Variants in CNTN5 observed in about 807,000 individuals in gnomAD.
CNTN5 encodes the protein contactin-5.
In CNTN5, 77 loss-of-function variants were observed where a neutral mutation model predicts 129.1. The observed-to-expected ratio is 0.60, with a 90% CI of 0.50 to 0.72. The LOEUF (loss-of-function observed/expected upper bound fraction) is 0.72, where lower values mean the gene tolerates loss of function less well. CNTN5 is among the 30% of genes least tolerant of loss of function. CNTN5 has a pLI of 0.00. For synonymous variants in CNTN5, 509 were observed against 465.6 expected, an observed-to-expected ratio of 1.09 and a Z score of -1.20; for missense variants, 1,478 against 1,328.8, an observed-to-expected ratio of 1.11 and a Z score of -1.75.
chr11:99,196,964 A>G (rs1385153324), intron 1 of CNTN5, among the ~76,000 whole-genome samples: 1 of 151,924 alleles, frequency 6.6e-6, no homozygotes, highest in Non-Finnish European at 1.5e-5. Flanking sequence ...AACACAGTAA[A>G]TACACAAACC....
intron 15 of CNTN5, among the ~76,000 whole-genome samples, chr11:100,212,641 G>C (rs1393344812): frequency 6.6e-6 from 1 of 152,114 alleles, no homozygotes; most frequent in Non-Finnish European, 1.5e-5. Context: ...GGGAAGTCAT[G>C]TCCCTTGTCT....
At chr11:99,536,482 A>G (rs1947902840) in intron 2 of CNTN5, among the ~76,000 whole-genome samples, 1 of 152,160 alleles carries the variant, frequency 6.6e-6, no homozygotes, top group African/African-American at 2.4e-5. Context: ...TTGAACTTAC[A>G]GAGTAGCATG....
intron 1 of CNTN5, among the ~76,000 whole-genome samples, chr11:99,073,808 C>T (rs1214057846): frequency 1.3e-5 from 2 of 151,912 alleles, no homozygotes; most frequent in African/African-American, 4.8e-5. Context: ...CAAGTCTTTG[C>T]TATTGTAAAT....
intron 13 of CNTN5, among the ~76,000 whole-genome samples, chr11:100,109,262 C>T (rs1945563844): frequency 6.6e-6 from 1 of 152,114 alleles, no homozygotes; most frequent in Admixed American, 6.5e-5. Flanking sequence ...CCTGTCTCTA[C>T]TAAGAATACA....
chr11:99,375,646 C>T (rs4754611), intron 2 of CNTN5, among the ~76,000 whole-genome samples: 132,394 of 152,142 alleles, frequency 0.87, 57,760 homozygotes, highest in African/African-American at 0.94. Context: ...ATAAGAGTGA[C>T]TTCCCATGTA....
chr11:100,159,028 T>G (rs1430136595), intron 13 of CNTN5, among the ~76,000 whole-genome samples: 1 of 151,878 alleles, frequency 6.6e-6, no homozygotes, highest in Admixed American at 6.6e-5. Context: ...TATAGGTGAA[T>G]CACATAAACA....
chr11:99,517,642 C>T (rs568537896), intron 2 of CNTN5, among the ~76,000 whole-genome samples: 5 of 152,132 alleles, frequency 3.3e-5, no homozygotes, highest in East Asian at 3.9e-4. Flanking sequence ...GAGCTCACCA[C>T]GCCCCACCTC....
intron 4 of CNTN5, among the ~76,000 whole-genome samples, chr11:99,835,970 C>A (rs1372378489): frequency 6.6e-6 from 1 of 151,842 alleles, no homozygotes; most frequent in African/African-American, 2.4e-5. Context: ...GAATTTAGGG[C>A]AAGTCCGTAA....
intron 3 of CNTN5, among the ~76,000 whole-genome samples, chr11:99,759,647 G>A (rs10750395): frequency 0.4 from 59,702 of 150,360 alleles, 12,267 homozygotes; most frequent in East Asian, 0.65. Flanking sequence ...CGAATGCTAG[G>A]GAGGGTGTTT....
intron 6 of CNTN5, 149 bp downstream of exon 6, chr11:99,845,411 C>A (rs536508467): frequency 2.6e-6 from 1 of 385,668 alleles, no homozygotes; most frequent in African/African-American, 2.9e-5. Context: ...CTCGCTCTGT[C>A]GCCCAGGCTG....
chr11:99,684,733 C>T (rs990578777), intron 3 of CNTN5, among the ~76,000 whole-genome samples: 12 of 151,708 alleles, frequency 7.9e-5, no homozygotes, highest in South Asian at 2.1e-4. Context: ...AAATAATTTT[C>T]GTATGTCTTG....
chr11:99,788,236 A>G (rs1278178135), intron 3 of CNTN5, among the ~76,000 whole-genome samples: 1 of 151,870 alleles, frequency 6.6e-6, no homozygotes, highest in Non-Finnish European at 1.5e-5. Flanking sequence ...GAATTCCTCC[A>G]TTAATGAATA....
chr11:100,263,127 G>A (rs1163022539), intron 17 of CNTN5, among the ~76,000 whole-genome samples: 1 of 152,026 alleles, frequency 6.6e-6, no homozygotes, highest in Non-Finnish European at 1.5e-5. Flanking sequence ...ACACTTACTG[G>A]ATAGTTACTA....
At chr11:99,524,141 T>G (rs1166530041) in intron 2 of CNTN5, among the ~76,000 whole-genome samples, 1 of 152,168 alleles carries the variant, frequency 6.6e-6, no homozygotes, top group Non-Finnish European at 1.5e-5. Flanking sequence ...AATTTATGGC[T>G]CAACATGCCA....
rs1485420717 is a variant in CNTN5 at position 99,553,867 on chromosome 11, A to G, written c.-70-2278A>G. Among the ~76,000 whole-genome samples, 4 of 151,978 alleles carry G rather than the reference A, an allele frequency of 2.6e-5. No individual in the cohort carries two copies. In the East Asian group the frequency reaches 7.7e-4, roughly 29 times the overall value. Reference sequence around the variant, plus strand: ...AAAATATAATGTAATTATGTATCTTAAAAAGAATGACTTTTTAAGAAATAT... The same window carrying G: ...AAAATATAATGTAATTATGTATCTTGAAAAGAATGACTTTTTAAGAAATAT... On this transcript the variant is annotated intron_variant, in intron 2 of 24. Coordinates refer to ENST00000524871, the MANE Select transcript of CNTN5 (RefSeq NM_014361.4).
chr11:99,851,320 G>A (rs1318020409), intron 6 of CNTN5, among the ~76,000 whole-genome samples: 1 of 152,124 alleles, frequency 6.6e-6, no homozygotes, highest in Non-Finnish European at 1.5e-5. Context: ...AAGCTGGAGT[G>A]ATTTCCTAGG....
intron 3 of CNTN5, among the ~76,000 whole-genome samples, chr11:99,722,915 T>G (rs1265402058): frequency 6.6e-6 from 1 of 151,986 alleles, no homozygotes; most frequent in Admixed American, 6.6e-5. Flanking sequence ...ATCCTTGCAC[T>G]CTCATTTCCT....
intron 1 of CNTN5, among the ~76,000 whole-genome samples, chr11:99,066,585 A>C (rs1011988333): frequency 1.3e-5 from 2 of 151,850 alleles, no homozygotes; most frequent in Admixed American, 1.3e-4. Flanking sequence ...AGTAGATAAA[A>C]TCAATACCCA....
At chr11:100,183,754 A>T (rs1420462577) in intron 13 of CNTN5, among the ~76,000 whole-genome samples, 1 of 152,152 alleles carries the variant, frequency 6.6e-6, no homozygotes, top group Non-Finnish European at 1.5e-5. Context: ...TACACTTTAA[A>T]CATGTGCGAT....
Sources: gnomAD v4.1 joint callset for allele counts (sites outside exome capture counted in the v4.1 genomes callset) on GRCh38, gnomAD v4.1.1 for gene constraint, MANE v1.5 for transcripts, NCBI Gene and HGNC (gene_info 2026-07-23, HGNC 2026-07-21) for gene names.